Variants in NTN5 observed in about 807,000 individuals in gnomAD.
NTN5 encodes netrin 5.
Under a neutral mutation model 38.7 loss-of-function variants are expected in NTN5, and 42 were observed. That is an observed-to-expected ratio of 1.08 (90% confidence interval 0.85 to 1.40). The LOEUF (loss-of-function observed/expected upper bound fraction) is 1.40. Ranked by LOEUF, NTN5 falls within the 40% of genes most tolerant of loss-of-function variation. The pLI is 0.00. For synonymous variants in NTN5, 329 were observed against 303.9 expected (o/e 1.08, Z -0.86); for missense variants, 658 against 716.5 (o/e 0.92, Z 0.93).
chr19:48,667,622 C>T (rs548116880), intron 2 of NTN5, among the ~76,000 whole-genome samples: 2 of 152,270 alleles, frequency 1.3e-5, no homozygotes, highest in South Asian at 2.1e-4. Flanking sequence ...TTTGGGAGGC[C>T]AAGGCTGGCA....
Position 48,664,422 on chromosome 19 carries a change from C to G in NTN5, c.821-130G>C, listed in dbSNP as rs111606022. On this transcript the variant is annotated intron_variant, in intron 3 of 6. Transcript: ENST00000270235. The stretch of plus-strand genomic sequence containing the variant: ...CCCTCTTCCCTCAGACCCAGGAGTC[C>G]AGGCCCCCAGCCCCTCCTCCCTCAG... The G allele has an allele frequency of 3.1e-5, 42 of 1,350,528 alleles. No homozygotes were observed. The African/African-American group carries it at 4.8e-4, about 16-fold the overall frequency. The allele number at this position is 1,350,528 out of a possible 1,614,324, so 83.7% of individuals were successfully genotyped here. A position where few individuals can be genotyped will look rare whatever the true frequency, so the allele number is the denominator to read the frequency against.
intron 2 of NTN5, among the ~76,000 whole-genome samples, chr19:48,669,706 TCACCAC>T (rs2031865134): frequency 5.0e-5 from 2 of 39,956 alleles, no homozygotes; most frequent in African/African-American, 2.2e-4. Context: ...ATCATCACCA[TCACCAC>T]CATCACCACC....
Position 48,661,554 on chromosome 19 carries a change from T to G in NTN5, c.*123A>C. On this transcript the variant is annotated 3_prime_UTR_variant, in exon 7 of 7. Coordinates refer to ENST00000270235, the MANE Select transcript of NTN5 (RefSeq NM_145807.4). ...CGCCTGCTCGGCGTGGGCGCAAGCA[T>G]AGTGTCGTCGGGGCTCTGCGACGTC... 24 of 1,161,786 alleles carry G rather than the reference T, an allele frequency of 2.1e-5. No individual in the cohort carries two copies. The highest frequency in any genetic ancestry group is 2.7e-5 in the Non-Finnish European group (24 of 899,828). 72.0% of individuals were successfully genotyped at this position (1,161,786 alleles called of 1,614,324 possible). A position where few individuals can be genotyped will look rare whatever the true frequency, so the allele number is the denominator to read the frequency against.
At position 48,661,704 on chromosome 19, in the gene NTN5, G is replaced by GGGTGCCCGCACGCCGCGGCA. The variant is rs2031545652; in HGVS notation, c.1423_1442dup (p.Thr482AlafsTer28). 2 of 1,557,538 alleles carry GGGTGCCCGCACGCCGCGGCA rather than the reference G, an allele frequency of 1.3e-6. No individual in the cohort carries two copies. The highest frequency in any genetic ancestry group is 8.6e-7 in the Non-Finnish European group (1 of 1,161,584). On this transcript the variant is annotated frameshift_variant, in exon 7 of 7. Coordinates refer to ENST00000270235, the MANE Select transcript of NTN5 (RefSeq NM_145807.4). LOFTEE classifies it low-confidence loss of function (END_TRUNC). ...AGTGCTCCGGCCTGGGACTGGGTGT[G>GGGTGCCCGCACGCCGCGGCA]GGTGCCCGCACGCCGCGGCAGCCTC...
At chr19:48,669,655 ACACCAC>A (rs2031858120) in intron 2 of NTN5, among the ~76,000 whole-genome samples, 1 of 12,480 alleles carries the variant, frequency 8.0e-5, no homozygotes, top group East Asian at 3.6e-3. Flanking sequence ...ACCACCACCA[ACACCAC>A]CACCATCACC....
chr19:48,668,470 GGT>G, intron 2 of NTN5, among the ~76,000 whole-genome samples: 1 of 152,308 alleles, frequency 6.6e-6, no homozygotes, highest in South Asian at 2.1e-4. Flanking sequence ...ACTTGCCCAA[GGT>G]CTCACAGCAG....
intron 2 of NTN5, among the ~76,000 whole-genome samples, chr19:48,667,938 G>A (rs556125557): frequency 2.0e-5 from 3 of 152,228 alleles, no homozygotes; most frequent in South Asian, 2.1e-4. Flanking sequence ...ACTTGCACAC[G>A]TGTGTATATG....
chr19:48,671,293 C>T (rs769291278), intron 1 of NTN5, among the ~76,000 whole-genome samples: 5 of 149,322 alleles, frequency 3.3e-5, no homozygotes, highest in African/African-American at 7.4e-5. Flanking sequence ...GAGCGGTGAG[C>T]GGCTGGAGCA....
chr19:48,667,466 G>T, intron 2 of NTN5: 1 of 313,510 alleles, frequency 3.2e-6, no homozygotes, highest in South Asian at 2.3e-5. Flanking sequence ...CAGGCCTGGT[G>T]AGTCTCACCC....
chr19:48,661,480 A>C lies in NTN5; in HGVS notation c.*197T>G. The stretch of plus-strand genomic sequence containing the variant: ...AATAAGCCACAGGCCAAAGGAGGAA[A>C]TGTTGGGACCAGAAGTCCCGCTTGC... On this transcript the variant is annotated 3_prime_UTR_variant, in exon 7 of 7. Transcript: ENST00000270235. The C allele has an allele frequency of 3.8e-6, 2 of 532,926 alleles. No homozygotes were observed. Among genetic ancestry groups the C allele is most frequent in the South Asian group, 3.5e-5 (1 of 28,976 alleles). The allele number at this position is 532,926 out of a possible 1,614,324, so 33.0% of individuals were successfully genotyped here. A position where few individuals can be genotyped will look rare whatever the true frequency, so the allele number is the denominator to read the frequency against.
At position 48,661,456 on chromosome 19, in the gene NTN5, A is replaced by C; in HGVS notation, c.*221T>G. 4.4e-6 allele frequency: 2 copies of C among 452,618 alleles called. No homozygotes were observed. Among genetic ancestry groups the C allele is most frequent in the Admixed American group, 4.6e-5 (1 of 21,948 alleles). The allele number at this position is 452,618 out of a possible 1,614,324, so 28.0% of individuals were successfully genotyped here. A position where few individuals can be genotyped will look rare whatever the true frequency, so the allele number is the denominator to read the frequency against. On this transcript the variant is annotated 3_prime_UTR_variant, in exon 7 of 7. Coordinates refer to ENST00000270235, the MANE Select transcript of NTN5 (RefSeq NM_145807.4). ...GGGGGAAACAGATCACTGGCGGGGA[A>C]TAAGCCACAGGCCAAAGGAGGAAAT...
Position 48,673,011 on chromosome 19 carries a change from A to G in NTN5, c.-100T>C, listed in dbSNP as rs534315700. The G allele has an allele frequency of 6.0e-6, 2 of 332,038 alleles. No individual in the cohort carries two copies. Among genetic ancestry groups the G allele is most frequent in the East Asian group, 9.2e-5 (1 of 10,844 alleles). 20.6% of individuals were successfully genotyped at this position (332,038 alleles called of 1,614,324 possible). ...AGCTGTGGCGCGGTGGGCTCTCAGG[A>G]GGGAGTGGCGTGGCTGTTCTCAGGC... On this transcript the variant is annotated 5_prime_UTR_variant, in exon 1 of 7. Transcript: ENST00000270235.
At chr19:48,672,679 G>A (rs561201704) in intron 1 of NTN5, among the ~76,000 whole-genome samples, 76 of 152,266 alleles carry the variant, frequency 5.0e-4, no homozygotes, top group African/African-American at 1.8e-3. Flanking sequence ...TTCAGGGGGT[G>A]GCACCCTCTG....
chr19:48,664,877 GGT>G (rs1262243516), intron 2 of NTN5, 110 bp from the exon 3 acceptor site: 1 of 915,020 alleles, frequency 1.1e-6, no homozygotes, highest in Non-Finnish European at 1.5e-6. Context: ...GAGTGTCCAA[GGT>G]AGAAGAGAAT....
At chr19:48,665,079 A>AT (rs754959077) in intron 2 of NTN5, among the ~76,000 whole-genome samples, 1,587 of 138,308 alleles carry the variant, frequency 0.011, 19 homozygotes, top group African/African-American at 0.031. Flanking sequence ...CACACAGCTA[A>AT]TTTTTTTTTT....
chr19:48,671,433 G>T (rs772827840), intron 1 of NTN5, among the ~76,000 whole-genome samples: 21 of 152,014 alleles, frequency 1.4e-4, no homozygotes, highest in Non-Finnish European at 3.1e-4. Context: ...CAGGACAGAG[G>T]CAGAGAGAGG....
rs1568451048 is a variant in NTN5, at chr19:48,667,595, G to A, written c.631+2761C>T. On this transcript the variant is annotated intron_variant, in intron 2 of 6. Transcript: ENST00000270235. ...GCAGAGGCCGGGCGCGGTGGCTCACGCCTGTAATCCCAACATTTTGGGAGG... is the reference window on the plus strand; with the variant it reads ...GCAGAGGCCGGGCGCGGTGGCTCACACCTGTAATCCCAACATTTTGGGAGG... 7.9e-5 allele frequency: 13 copies of A among 165,132 alleles called. No individual in the cohort carries two copies. The South Asian group carries it at 1.2e-3, about 15-fold the overall frequency. 10.2% of individuals were successfully genotyped at this position (165,132 alleles called of 1,614,324 possible).
At chr19:48,663,621 C>A in intron 5 of NTN5, 78 bp from the exon 6 acceptor site, 2 of 1,531,252 alleles carry the variant, frequency 1.3e-6, no homozygotes, top group South Asian at 1.1e-5. Context: ...TCCCTCCGTT[C>A]CATCTTGATG....
intron 1 of NTN5, among the ~76,000 whole-genome samples, chr19:48,671,734 T>C (rs1170959112): frequency 6.6e-6 from 1 of 152,030 alleles, no homozygotes; most frequent in Non-Finnish European, 1.5e-5. Context: ...CCATTGCCTT[T>C]CCCACATGGG....
Sources: gnomAD v4.1 joint callset for allele counts (sites outside exome capture counted in the v4.1 genomes callset) on GRCh38, gnomAD v4.1.1 for gene constraint, MANE v1.5 for transcripts, NCBI Gene and HGNC (gene_info 2026-07-23, HGNC 2026-07-21) for gene names.